The following STRADA variants were observed in gnomAD, a reference collection of about 807,000 sequenced individuals.
STRADA encodes the protein STE20-related kinase adapter protein alpha.
In STRADA, 26 loss-of-function variants were observed where a neutral mutation model predicts 55.0. The observed-to-expected ratio is 0.47, with a 90% CI of 0.35 to 0.66. STRADA has a LOEUF of 0.66. STRADA is among the 30% of genes least tolerant of loss of function. The pLI, the probability that STRADA is intolerant of heterozygous loss-of-function variation, is 0.01. For synonymous variants in STRADA, 197 were observed against 210.9 expected (o/e 0.93, Z 0.57); for missense variants, 443 against 549.7 (o/e 0.81, Z 1.94).
chr17:63,704,234 A>C, intron 11 of STRADA, 107 bp downstream of exon 11: 2 of 1,551,772 alleles, frequency 1.3e-6, no homozygotes, highest in Non-Finnish European at 1.7e-6. Context: ...GTGTAGCTCC[A>C]GATTCCCCTG....
At chr17:63,740,141 T>TACACACACAC (rs1390181125) in intron 1 of STRADA, among the ~76,000 whole-genome samples, 2 of 41,574 alleles carry the variant, frequency 4.8e-5, no homozygotes, top group African/African-American at 2.3e-4. Context: ...CATACATATA[T>TACACACACAC]ATATATACAC....
intron 1 of STRADA, among the ~76,000 whole-genome samples, chr17:63,731,441 T>A (rs1249882071): frequency 9.3e-5 from 14 of 151,336 alleles, no homozygotes. Flanking sequence ...TTTTTGTATT[T>A]TTTTAGTAGA....
chr17:63,707,121 T>G, intron 9 of STRADA, 126 bp downstream of exon 9: 29 of 1,234,630 alleles, frequency 2.3e-5, no homozygotes, highest in Non-Finnish European at 3.3e-5. Flanking sequence ...CGCTGAGGGC[T>G]CCCTCCCTCC....
chr17:63,722,986 A>AT (rs2144084457), intron 4 of STRADA, among the ~76,000 whole-genome samples: 1 of 152,274 alleles, frequency 6.6e-6, no homozygotes, highest in South Asian at 2.1e-4. Flanking sequence ...CAATAACCGT[A>AT]TTTCTGACTG....
intron 6 of STRADA, 36 bp downstream of exon 6, chr17:63,713,370 A>AC: frequency 6.2e-7 from 1 of 1,603,392 alleles, no homozygotes; most frequent in East Asian, 2.2e-5. Flanking sequence ...CCAAGAGCCC[A>AC]CCCTCCCTCC....
chr17:63,724,145 A>T (rs903805490), intron 3 of STRADA, among the ~76,000 whole-genome samples: 1 of 151,682 alleles, frequency 6.6e-6, no homozygotes, highest in East Asian at 1.9e-4. Flanking sequence ...TTTTTTTTTT[A>T]ATTTTTTATT....
intron 1 of STRADA, among the ~76,000 whole-genome samples, chr17:63,740,177 C>CACAT (rs1447847643): frequency 5.0e-5 from 7 of 141,142 alleles, no homozygotes; most frequent in Non-Finnish European, 1.5e-5. Flanking sequence ...CACACACACA[C>CACAT]ACACACAACA....
At chr17:63,732,136 G>A (rs377698675) in intron 1 of STRADA, among the ~76,000 whole-genome samples, 17 of 151,312 alleles carry the variant, frequency 1.1e-4, no homozygotes, top group South Asian at 4.2e-4. Flanking sequence ...CCAAAGTGCC[G>A]GGATTACAGG....
intron 10 of STRADA, chr17:63,704,837 G>A: frequency 6.5e-7 from 1 of 1,535,774 alleles, no homozygotes; most frequent in Non-Finnish European, 8.7e-7. Flanking sequence ...CGCCATGGCT[G>A]GAAAGCAGGG....
rs942629624 is a variant in STRADA at position 63,713,296 on chromosome 17, C to A, written c.348+110G>T. The A allele has an allele frequency of 1.1e-5, 16 of 1,454,428 alleles. No individual in the cohort carries two copies. The South Asian group carries it at 1.7e-4, about 15-fold the overall frequency. 90.1% of individuals were successfully genotyped at this position (1,454,428 alleles called of 1,614,324 possible). ...GGCCAGGATTCTCCACTGAAAGCTT[C>A]CATAACTTCCGAACGTTTAGTCTCC... On this transcript the variant is annotated intron_variant, in intron 6 of 12. Transcript: ENST00000336174.
intron 2 of STRADA, 100 bp from the exon 3 acceptor site, chr17:63,726,795 C>T (rs1345149849): frequency 8.9e-6 from 10 of 1,127,912 alleles, no homozygotes; most frequent in Non-Finnish European, 1.3e-5. Context: ...ACTATGAAAA[C>T]AGAATCATGC....
intron 10 of STRADA, chr17:63,704,914 G>A (rs1598150519): frequency 6.5e-7 from 1 of 1,535,928 alleles, no homozygotes; most frequent in Non-Finnish European, 8.7e-7. Context: ...TCACCCTAGA[G>A]GGAAGGAGCA....
At chr17:63,713,180 G>T (rs1485696599) in intron 6 of STRADA, among the ~76,000 whole-genome samples, 1 of 151,904 alleles carries the variant, frequency 6.6e-6, no homozygotes, top group Non-Finnish European at 1.5e-5. Flanking sequence ...ATAAATAAAT[G>T]AATAAAAAAG....
intron 10 of STRADA, chr17:63,706,150 C>A (rs2036073060): frequency 1.3e-5 from 2 of 152,898 alleles, no homozygotes; most frequent in Admixed American, 1.3e-4. Flanking sequence ...TGACTGTGCA[C>A]CCTTGGATCC....
intron 7 of STRADA, 21 bp from the exon 8 acceptor site, chr17:63,710,635 G>A: frequency 1.2e-6 from 2 of 1,614,122 alleles, no homozygotes; most frequent in Non-Finnish European, 1.7e-6. Context: ...GGATTGCATG[G>A]AGGCAGTGAA....
At chr17:63,723,515 A>G in intron 3 of STRADA, 189 bp from the exon 4 acceptor site, 4 of 622,608 alleles carry the variant, frequency 6.4e-6, no homozygotes, top group Non-Finnish European at 1.2e-5. Context: ...CTGCAGAGAG[A>G]TAGGGCTTTA....
At chr17:63,740,143 T>TACAC (rs763523792) in intron 1 of STRADA, among the ~76,000 whole-genome samples, 707 of 46,526 alleles carry the variant, frequency 0.015, 28 homozygotes, top group Middle Eastern at 0.067. Context: ...TACATATATA[T>TACAC]ATATACACAC....
chr17:63,739,533 G>T (rs939044074), intron 1 of STRADA, among the ~76,000 whole-genome samples: 1 of 151,938 alleles, frequency 6.6e-6, no homozygotes, highest in Non-Finnish European at 1.5e-5. Context: ...TCCTTAAAAT[G>T]CAAATGTAAA....
chr17:63,733,353 ATCTT>A (rs1276565171), intron 1 of STRADA, among the ~76,000 whole-genome samples: 1 of 81,340 alleles, frequency 1.2e-5, no homozygotes, highest in Non-Finnish European at 2.3e-5. Flanking sequence ...TCAGAATACA[ATCTT>A]TTTTTTTTAT....
Sources: allele counts gnomAD v4.1 joint callset (sites outside exome capture counted in the v4.1 genomes callset), GRCh38; gene constraint gnomAD v4.1.1; transcripts MANE v1.5; gene names NCBI Gene and HGNC (gene_info 2026-07-23, HGNC 2026-07-21).